Variants in C1orf105 observed in about 807,000 individuals in gnomAD.
C1orf105 encodes the protein chromosome 1 open reading frame 105, also known as uncharacterized protein C1orf105.
C1orf105 carries 17 observed loss-of-function variants against 20.8 expected under a neutral mutation model. The observed-to-expected ratio is 0.82, with a 90% CI of 0.56 to 1.23. The LOEUF (loss-of-function observed/expected upper bound fraction) is 1.23, where lower values mean the gene tolerates loss of function less well. C1orf105 is among the 50% of genes most tolerant of loss of function. The probability of loss-of-function intolerance (pLI) is 0.00; values close to 1 mark genes in which losing one functional copy is unlikely to be tolerated. For synonymous variants in C1orf105, 72 were observed against 72.1 expected, an observed-to-expected ratio of 1.00 and a Z score of 0.01; for missense variants, 219 against 213.5, an observed-to-expected ratio of 1.03 and a Z score of -0.16.
At chr1:172,460,558 T>C (rs1649616091) in intron 4 of C1orf105, among the ~76,000 whole-genome samples, 2 of 152,144 alleles carry the variant, frequency 1.3e-5, no homozygotes, top group Non-Finnish European at 2.9e-5. Flanking sequence ...AAACAGATAT[T>C]CTCTAACATA....
chr1:172,445,372 C>T (rs1647873613), intron 2 of C1orf105, among the ~76,000 whole-genome samples: 1 of 152,162 alleles, frequency 6.6e-6, no homozygotes, highest in South Asian at 2.1e-4. Flanking sequence ...CAAAATTTTT[C>T]CCTCTCCACC....
At chr1:172,452,308 T>G (rs1648740315) in intron 3 of C1orf105, among the ~76,000 whole-genome samples, 2 of 152,236 alleles carry the variant, frequency 1.3e-5, no homozygotes, top group Admixed American at 6.5e-5. Flanking sequence ...AGCTTTCTCC[T>G]GGGTAAATTG....
chr1:172,447,123 C>G (rs1340567863), intron 2 of C1orf105, among the ~76,000 whole-genome samples: 1 of 152,128 alleles, frequency 6.6e-6, no homozygotes, highest in Admixed American at 6.5e-5. Context: ...GCCAAAGCTC[C>G]GGGTTCCAAG....
chr1:172,463,367 G>A, intron 5 of C1orf105, among the ~76,000 whole-genome samples: 1 of 152,168 alleles, frequency 6.6e-6, no homozygotes, highest in African/African-American at 2.4e-5. Context: ...GTTGCACAAT[G>A]GTACATGTCC....
chr1:172,424,952 G>A (rs529755713), intron 1 of C1orf105, among the ~76,000 whole-genome samples: 8 of 152,342 alleles, frequency 5.3e-5, no homozygotes, highest in Admixed American at 5.2e-4. Context: ...GGAGTGGCAA[G>A]CAGTGAGCCA....
chr1:172,468,451 AG>A lies in C1orf105; in HGVS notation c.410del (p.Ser137ThrfsTer20), dbSNP rs1190908608. On this transcript the variant is annotated frameshift_variant, in exon 7 of 7. Transcript: ENST00000367727. LOFTEE classifies it low-confidence loss of function (END_TRUNC). ...EPFHDDIPTE[S>X]IHYRLPILGP... is the part of the protein sequence containing the mutation. Reference sequence around the variant, plus strand: ...TTCCTTCTTGTACTGTCATCCAGAAAGCATTCACTACAGACTGCCCATTCTG... The same window carrying A: ...TTCCTTCTTGTACTGTCATCCAGAAACATTCACTACAGACTGCCCATTCTG... 74 of 1,610,262 alleles carry A rather than the reference AG, an allele frequency of 4.6e-5. No homozygotes were observed. The highest frequency in any genetic ancestry group is 6.0e-5 in the Non-Finnish European group (71 of 1,177,838).
intron 1 of C1orf105, among the ~76,000 whole-genome samples, chr1:172,430,487 C>A (rs1366052260): frequency 6.6e-6 from 1 of 152,082 alleles, no homozygotes; most frequent in African/African-American, 2.4e-5. Context: ...TTTGCCCATG[C>A]TGGAGTGCAG....
chr1:172,449,304 G>A (rs1024462954), intron 3 of C1orf105, among the ~76,000 whole-genome samples: 1 of 152,170 alleles, frequency 6.6e-6, no homozygotes, highest in Non-Finnish European at 1.5e-5. Context: ...GAGCAGACAG[G>A]ACAGGGACAC....
intron 1 of C1orf105, 47 bp from the exon 2 acceptor site, chr1:172,445,026 T>C: frequency 6.8e-7 from 1 of 1,466,254 alleles, no homozygotes; most frequent in Non-Finnish European, 9.5e-7. Context: ...ATGATAGCAA[T>C]GTTTAAGTGT....
chr1:172,458,335 G>A (rs1649458235), intron 4 of C1orf105, among the ~76,000 whole-genome samples: 1 of 152,180 alleles, frequency 6.6e-6, no homozygotes, highest in Admixed American at 6.5e-5. Context: ...GGAATGCACA[G>A]AAAACTATTA....
At chr1:172,455,060 A>G (rs1649089819) in intron 3 of C1orf105, among the ~76,000 whole-genome samples, 1 of 152,196 alleles carries the variant, frequency 6.6e-6, no homozygotes, top group Non-Finnish European at 1.5e-5. Context: ...TGAATGAATG[A>G]ATCTAGTTAT....
intron 1 of C1orf105, chr1:172,442,972 T>C (rs373178333): frequency 4.8e-6 from 1 of 206,848 alleles, no homozygotes; most frequent in South Asian, 1.3e-4. Context: ...AAACTGCATT[T>C]CAGATTTGAA....
intron 3 of C1orf105, chr1:172,453,061 G>A (rs1648830201): frequency 1.9e-6 from 3 of 1,550,490 alleles, no homozygotes; most frequent in Non-Finnish European, 2.6e-6. Flanking sequence ...CGTCTCAAAT[G>A]TTTGCGTCGC....
chr1:172,422,101 C>T (rs181011316), intron 1 of C1orf105, among the ~76,000 whole-genome samples: 25 of 151,948 alleles, frequency 1.6e-4, no homozygotes, highest in Admixed American at 3.3e-4. Context: ...CTGTGCTGGG[C>T]TCTGAGCCAG....
At chr1:172,434,607 T>G (rs1440997806) in intron 1 of C1orf105, among the ~76,000 whole-genome samples, 1 of 152,206 alleles carries the variant, frequency 6.6e-6, no homozygotes, top group East Asian at 1.9e-4. Flanking sequence ...TAAAGCAGTG[T>G]GTAGAGGGAA....
Position 172,443,947 on chromosome 1 carries a change from G to A in C1orf105, c.22-1126G>A, listed in dbSNP as rs1399575766. 3 of 998,178 alleles carry A rather than the reference G, an allele frequency of 3.0e-6. No homozygotes were observed. In the African/African-American group the frequency reaches 5.2e-5, roughly 17 times the overall value. The allele number at this position is 998,178 out of a possible 1,614,324, so 61.8% of individuals were successfully genotyped here. A position where few individuals can be genotyped will look rare whatever the true frequency, so the allele number is the denominator to read the frequency against. On this transcript the variant is annotated intron_variant, in intron 1 of 6. Transcript: ENST00000367727. ...GTCTGCGGGAGGCAGCAGAGGAAAA[G>A]GAGCCCCGGAAACACTGACCGTTAC...
intron 1 of C1orf105, among the ~76,000 whole-genome samples, chr1:172,432,932 T>C (rs947092277): frequency 9.2e-5 from 14 of 152,232 alleles, no homozygotes; most frequent in Non-Finnish European, 1.3e-4. Flanking sequence ...AATGACCTGA[T>C]GGAGCTGAAA....
intron 1 of C1orf105, among the ~76,000 whole-genome samples, chr1:172,432,922 A>T (rs114309391): frequency 0.016 from 2,452 of 152,338 alleles, 72 homozygotes; most frequent in African/African-American, 0.056. Flanking sequence ...CAAGACCTCA[A>T]ATGACCTGAT....
chr1:172,438,409 T>C (rs2149166156), intron 1 of C1orf105, among the ~76,000 whole-genome samples: 1 of 152,350 alleles, frequency 6.6e-6, no homozygotes, highest in South Asian at 2.1e-4. Flanking sequence ...TGAATTACTC[T>C]GAGAGGTTCG....
Sources: gnomAD v4.1 joint callset for allele counts (sites outside exome capture counted in the v4.1 genomes callset) on GRCh38, gnomAD v4.1.1 for gene constraint, MANE v1.5 for transcripts, NCBI Gene and HGNC (gene_info 2026-07-23, HGNC 2026-07-21) for gene names.